The following CUX1 variants were observed in gnomAD, a reference collection of about 807,000 sequenced individuals.
CUX1 encodes cut like homeobox 1, also known as protein CASP.
A neutral mutation model predicts 158.8 loss-of-function variants in CUX1; 31 were observed. The observed-to-expected ratio is 0.20, with a 90% confidence interval of 0.15 to 0.26. CUX1 has a LOEUF of 0.26. Among genes scored for constraint, CUX1 ranks in the 10% least tolerant of loss-of-function variants. The pLI is 1.00. For missense variants in CUX1, 1,589 were observed against 2,014.6 expected, an observed-to-expected ratio of 0.79 and a Z score of 4.04; for synonymous variants, 879 against 862.1, an observed-to-expected ratio of 1.02 and a Z score of -0.34.
chr7:101,891,214 TTTG>T (rs1243501546), intron 1 of CUX1, among the ~76,000 whole-genome samples: 1 of 152,004 alleles, frequency 6.6e-6, no homozygotes, highest in Non-Finnish European at 1.5e-5. Context: ...TTTATTTTGT[TTTG>T]TTGTTGTTTT....
intron 2 of CUX1, among the ~76,000 whole-genome samples, chr7:102,013,495 T>C (rs993295246): frequency 2.0e-5 from 3 of 152,184 alleles, no homozygotes; most frequent in African/African-American, 7.2e-5. Context: ...AGTCACTATT[T>C]GGGAACAGGC....
rs143940396 is a variant in CUX1 at position 102,227,254 on chromosome 7, C to T, written c.3131-113C>T. The T allele has an allele frequency of 1.1e-3, 962 of 909,758 alleles. 18 individuals carry two copies. The East Asian group carries it at 0.02, about 19-fold the overall frequency. The allele number at this position is 909,758 out of a possible 1,614,324, so 56.4% of individuals were successfully genotyped here. A position where few individuals can be genotyped will look rare whatever the true frequency, so the allele number is the denominator to read the frequency against. On this transcript the variant is annotated intron_variant, in intron 20 of 23. Transcript: ENST00000292535. Reference sequence around the variant, plus strand: ...CACTAAGACCCACAGAAAACCCTACCGTCTGCTTCTCCTACAGAGCGTTTA... The same window carrying T: ...CACTAAGACCCACAGAAAACCCTACTGTCTGCTTCTCCTACAGAGCGTTTA...
At chr7:102,139,740 C>T (rs1328741818) in intron 8 of CUX1, among the ~76,000 whole-genome samples, 1 of 152,198 alleles carries the variant, frequency 6.6e-6, no homozygotes. Flanking sequence ...CAGCCTCAAA[C>T]TCCTGGGATC....
At chr7:102,211,799 A>C (rs1262488441) in intron 20 of CUX1, among the ~76,000 whole-genome samples, 6 of 151,592 alleles carry the variant, frequency 4.0e-5, no homozygotes, top group Non-Finnish European at 8.8e-5. Flanking sequence ...AAAAAAAAAA[A>C]AAAACTCAAC....
At chr7:102,189,902 ACGCTGGGG>A in intron 12 of CUX1, 31 bp downstream of exon 12, 1 of 1,610,154 alleles carries the variant, frequency 6.2e-7, no homozygotes, top group Non-Finnish European at 8.5e-7. Flanking sequence ...GGCCCCTCAC[ACGCTGGGG>A]CGCATTAGGG....
At position 101,869,432 on chromosome 7, in the gene CUX1, C is replaced by T. The variant is rs1798248461; in HGVS notation, c.31-46683C>T. ...GTTGAGGGGAAAGGTCGGAATTGGC[C>T]ACAGGTCTCCTAATGCCTGGCATGT... On this transcript the variant is annotated intron_variant, in intron 1 of 23. Transcript: ENST00000292535. The surrounding 1 kb of genome is among the most constrained non-coding windows in gnomAD (Gnocchi z 4.5). 1.3e-5 allele frequency among the ~76,000 whole-genome samples: 2 copies of T among 152,170 alleles called. No homozygotes were observed. The highest frequency in any genetic ancestry group is 2.4e-5 in the African/African-American group (1 of 41,420).
At chr7:102,268,164 G>A (rs900189903) in intron 14 of CUX1, among the ~76,000 whole-genome samples, 28 of 151,924 alleles carry the variant, frequency 1.8e-4, no homozygotes, top group Non-Finnish European at 3.1e-4. Flanking sequence ...TTATCCACCC[G>A]TCGCCTGTCA....
intron 1 of CUX1, among the ~76,000 whole-genome samples, chr7:101,894,137 A>T (rs1801204522): frequency 6.6e-6 from 1 of 152,214 alleles, no homozygotes; most frequent in African/African-American, 2.4e-5. Context: ...GATCATCACC[A>T]TAGTGGGTCG....
At chr7:101,968,483 C>T (rs969571274) in intron 2 of CUX1, among the ~76,000 whole-genome samples, 11 of 152,086 alleles carry the variant, frequency 7.2e-5, no homozygotes, top group African/African-American at 1.9e-4. Context: ...AGTGCAGTGG[C>T]GCGATCTTGG....
chr7:101,845,036 G>C (rs1247391605), intron 1 of CUX1, among the ~76,000 whole-genome samples: 1 of 151,788 alleles, frequency 6.6e-6, no homozygotes, highest in Non-Finnish European at 1.5e-5. Flanking sequence ...TTTTATTCTA[G>C]GGAGTTCTCA....
chr7:101,889,025 G>T (rs1217473168), intron 1 of CUX1, among the ~76,000 whole-genome samples: 1 of 151,904 alleles, frequency 6.6e-6, no homozygotes, highest in Non-Finnish European at 1.5e-5. Flanking sequence ...TAGCACTTTG[G>T]GAAGCTGAGG....
intron 2 of CUX1, among the ~76,000 whole-genome samples, chr7:101,955,237 C>G (rs1025322886): frequency 2.0e-5 from 3 of 152,004 alleles, no homozygotes; most frequent in Non-Finnish European, 4.4e-5. Context: ...CCTCCCTGGT[C>G]CATTCCCTTC....
At chr7:101,870,693 G>A (rs1250091197) in intron 1 of CUX1, among the ~76,000 whole-genome samples, 1 of 152,206 alleles carries the variant, frequency 6.6e-6, no homozygotes, top group East Asian at 1.9e-4. Flanking sequence ...TTAGCTCGAT[G>A]TGGATTACAG....
chr7:102,073,961 G>A (rs1261293981), intron 4 of CUX1, among the ~76,000 whole-genome samples: 1 of 152,120 alleles, frequency 6.6e-6, no homozygotes, highest in African/African-American at 2.4e-5. Flanking sequence ...CGCTTCCCAG[G>A]TATTTCTTAC....
At chr7:102,061,518 A>T (rs1585477867) in intron 3 of CUX1, among the ~76,000 whole-genome samples, 1 of 152,158 alleles carries the variant, frequency 6.6e-6, no homozygotes, top group East Asian at 1.9e-4. Context: ...AGCAACCAAG[A>T]TGTATCTCCC....
rs140034854 is a variant in CUX1 at position 102,280,119 on chromosome 7, G to A, written c.1763G>A (p.Arg588Gln). ...GACCCCTTCTCCTCCTTCAGCAAGC[G>A]GGTTCGTGAGCCCAGCCTGGGCAGG... Residue 588 changes from arginine (R) to glutamine (Q), a missense_variant and splice_region_variant, in exon 19 of 23, where the codon CGG (arginine) becomes CAG (glutamine). Arg to Gln is a conservative substitution (Grantham distance 43, BLOSUM62 1). Transcript: ENST00000292538. The A allele has an allele frequency of 4.3e-5, 69 of 1,605,262 alleles. 1 individual carries two copies. Among genetic ancestry groups the A allele is most frequent in the South Asian group, 3.5e-4 (32 of 90,978 alleles).
chr7:102,107,470 G>A (rs1554488816), intron 6 of CUX1, among the ~76,000 whole-genome samples: 1 of 151,816 alleles, frequency 6.6e-6, no homozygotes, highest in Non-Finnish European at 1.5e-5. Flanking sequence ...AACCCAGGAA[G>A]CAAAGGTTTG....
At chr7:102,213,629 T>C (rs1226217523) in intron 20 of CUX1, among the ~76,000 whole-genome samples, 2 of 152,172 alleles carry the variant, frequency 1.3e-5, no homozygotes, top group African/African-American at 4.8e-5. Context: ...TTACAGCACA[T>C]TGGGCATTCA....
In CUX1 at chr7:102,174,695, C is replaced by A. The variant is rs188131431; in HGVS notation, c.829-3774C>A. 5.3e-3 allele frequency among the ~76,000 whole-genome samples: 807 copies of A among 152,264 alleles called. 3 individuals carry two copies. The highest frequency in any genetic ancestry group is 7.0e-3 in the Non-Finnish European group (476 of 68,020). On this transcript the variant is annotated intron_variant, in intron 10 of 23. Transcript: ENST00000292535. ...GCGCAGTGGCTCACACCCATAATCCCAGCACTTTGGGAGGCCAAGGCAGGC... is the reference window on the plus strand; with the variant it reads ...GCGCAGTGGCTCACACCCATAATCCAAGCACTTTGGGAGGCCAAGGCAGGC...
Sources: gnomAD v4.1 joint callset for allele counts (sites outside exome capture counted in the v4.1 genomes callset) on GRCh38, gnomAD v4.1.1 for gene constraint, Gnocchi (gnomAD v3.1) non-coding constraint, MANE v1.5 for transcripts, NCBI Gene and HGNC (gene_info 2026-07-23, HGNC 2026-07-21) for gene names.